CCDC141: variants seen among roughly 807,000 people sequenced by gnomAD.
CCDC141 encodes the protein coiled-coil domain-containing protein 141.
Under a neutral mutation model 181.0 loss-of-function variants are expected in CCDC141, and 168 were observed. The ratio of observed to expected loss-of-function variants is 0.93; its 90% confidence interval spans 0.82 to 1.05. CCDC141 has a LOEUF of 1.05. Ranked by LOEUF, CCDC141 falls within the 50% of genes least tolerant of loss-of-function variation. The probability of loss-of-function intolerance (pLI) is 0.00; values close to 1 mark genes in which losing one functional copy is unlikely to be tolerated. For missense variants in CCDC141, 1,902 were observed against 1,788.5 expected (o/e 1.06, Z -1.14); for synonymous variants, 666 against 642.3 (o/e 1.04, Z -0.56).
chr2:178,890,324 T>C (rs1423769115), intron 8 of CCDC141, among the ~76,000 whole-genome samples: 7 of 152,124 alleles, frequency 4.6e-5, no homozygotes, highest in Non-Finnish European at 2.9e-5. Flanking sequence ...ATGCCCTCAG[T>C]GTCTATTCCA....
intron 2 of CCDC141, among the ~76,000 whole-genome samples, chr2:178,989,078 C>T (rs1398091979): frequency 6.6e-6 from 1 of 152,138 alleles, no homozygotes; most frequent in Non-Finnish European, 1.5e-5. Flanking sequence ...AAATTTTCAT[C>T]ACCTTGAATT....
At chr2:179,015,580 T>TATATATGATATATATATATC (rs1559050160) in intron 2 of CCDC141, among the ~76,000 whole-genome samples, 1 of 82,424 alleles carries the variant, frequency 1.2e-5, no homozygotes, top group Non-Finnish European at 2.9e-5. Flanking sequence ...ATATATCTCA[T>TATATATGATATATATATATC]ATATATCTCA....
At chr2:178,911,013 G>A (rs1040992760) in intron 7 of CCDC141, among the ~76,000 whole-genome samples, 2 of 152,170 alleles carry the variant, frequency 1.3e-5, no homozygotes, top group African/African-American at 4.8e-5. Flanking sequence ...TAGCACTTTA[G>A]GCAGCTAGTC....
chr2:178,940,340 A>C (rs1461844457), intron 6 of CCDC141, among the ~76,000 whole-genome samples: 1 of 152,236 alleles, frequency 6.6e-6, no homozygotes, highest in Admixed American at 6.5e-5. Context: ...AAGAACACAA[A>C]GAACTGTATA....
rs35684887 is a variant in CCDC141, at chr2:178,916,939, C to CTTT, written c.1092+1771_1092+1773dup. 3.4e-3 allele frequency among the ~76,000 whole-genome samples: 488 copies of CTTT among 145,284 alleles called. 6 individuals carry two copies. The highest frequency in any genetic ancestry group is 0.012 in the African/African-American group (468 of 39,178). ...AAGTAACCACTCTCTTCTTCTTCTT[C>CTTT]TTTTTTTTTTTAAAAAAAAGGCTTT... On this transcript the variant is annotated intron_variant, in intron 7 of 23. Coordinates refer to ENST00000443758, the MANE Select transcript of CCDC141 (RefSeq NM_173648.4).
chr2:178,844,712 A>G (rs1684863556), intron 22 of CCDC141, among the ~76,000 whole-genome samples: 1 of 152,218 alleles, frequency 6.6e-6, no homozygotes, highest in African/African-American at 2.4e-5. Flanking sequence ...ACTTCAAGGA[A>G]AGATAAATCT....
Position 178,878,139 on chromosome 2 carries a change from T to G in CCDC141, c.1724A>C (p.Glu575Ala). ...VAFLKSSEEV[E>A]MQFQSLKEFY... ...TTCTTTTAAGCTCTGAAACTGCATC[T>G]CTACCTAAAAAAGAAAAAAGAGAGT... Residue 575 changes from glutamate to alanine, a missense_variant, in exon 12 of 24, where the codon GAG (glutamate) becomes GCG (alanine). Physicochemically the swap from Glu to Ala is moderately radical, Grantham distance 107 (BLOSUM62 -1). Transcript: ENST00000443758. The G allele has an allele frequency of 1.3e-6, 2 of 1,590,924 alleles. No homozygotes were observed. The highest frequency in any genetic ancestry group is 1.7e-6 in the Non-Finnish European group (2 of 1,174,320).
At chr2:178,875,563 T>TA (rs1023010702) in intron 12 of CCDC141, 66 of 145,028 alleles carry the variant, frequency 4.6e-4, no homozygotes, top group East Asian at 3.6e-3. Flanking sequence ...AGACTCCATC[T>TA]AAAAAAAAAA....
intron 23 of CCDC141, chr2:178,836,672 A>ATTATTAGTACTTTATATGGTTACCTT (rs1684487087): frequency 2.2e-6 from 1 of 452,744 alleles, no homozygotes; most frequent in Non-Finnish European, 3.8e-6. Flanking sequence ...AATTTGTTAA[A>ATTATTAGTACTTTATATGGTTACCTT]TTATTAGTAC....
intron 2 of CCDC141, among the ~76,000 whole-genome samples, chr2:179,044,880 C>G (rs1307775308): frequency 6.6e-6 from 1 of 152,110 alleles, no homozygotes; most frequent in Admixed American, 6.5e-5. Flanking sequence ...AGTTATTAGC[C>G]AAATCACACT....
chr2:178,855,989 G>C (rs147372091), intron 18 of CCDC141, among the ~76,000 whole-genome samples: 229 of 152,322 alleles, frequency 1.5e-3, no homozygotes, highest in African/African-American at 5.3e-3. Context: ...ATCCATGTGT[G>C]TGTGTATGTG....
At chr2:179,016,635 A>T (rs950295403) in intron 2 of CCDC141, among the ~76,000 whole-genome samples, 1 of 152,170 alleles carries the variant, frequency 6.6e-6, no homozygotes, top group Non-Finnish European at 1.5e-5. Context: ...CTATTGAGTG[A>T]ACTGATAAGT....
intron 5 of CCDC141, among the ~76,000 whole-genome samples, chr2:178,945,148 T>C (rs936880729): frequency 2.0e-5 from 3 of 152,164 alleles, no homozygotes; most frequent in African/African-American, 7.2e-5. Flanking sequence ...AGAGAGGTTA[T>C]TAACATTTAC....
intron 2 of CCDC141, among the ~76,000 whole-genome samples, chr2:179,015,085 T>TC (rs1326060744): frequency 2.4e-5 from 1 of 40,910 alleles, no homozygotes; most frequent in African/African-American, 6.9e-5. Context: ...TATATATATA[T>TC]ATATATATAT....
Position 178,924,371 on chromosome 2 carries a change from G to A in CCDC141, c.898-5464C>T, listed in dbSNP as rs1262574927. On this transcript the variant is annotated intron_variant, in intron 6 of 23. Coordinates refer to ENST00000443758, the MANE Select transcript of CCDC141 (RefSeq NM_173648.4). ...ACCCTCAAGTCTACAGTTCCATTCA[G>A]AACAACTAGAATTAACTCATTGACA... Among the ~76,000 whole-genome samples the A allele has an allele frequency of 3.3e-5, 5 of 152,066 alleles. No individual in the cohort carries two copies. In the South Asian group the frequency reaches 8.3e-4, roughly 25 times the overall value.
rs1687008691 is a variant in CCDC141, at chr2:178,888,762, G to A, written c.1266-94C>T. 2.2e-6 allele frequency: 3 copies of A among 1,350,642 alleles called. 1 individual carries two copies. The highest frequency in any genetic ancestry group is 3.0e-6 in the Non-Finnish European group (3 of 985,378). The allele number at this position is 1,350,642 out of a possible 1,614,324, so 83.7% of individuals were successfully genotyped here. A position where few individuals can be genotyped will look rare whatever the true frequency, so the allele number is the denominator to read the frequency against. ...TCTGCTCTCATGTTAGGTAGGCGTT[G>A]GTAAAAGGCATCAGCTTTAGGATAA... is the stretch of plus-strand genomic sequence containing the variant. On this transcript the variant is annotated intron_variant, in intron 8 of 23. Transcript: ENST00000443758.
chr2:178,853,223 T>A (rs547963988), intron 20 of CCDC141, among the ~76,000 whole-genome samples: 2 of 152,312 alleles, frequency 1.3e-5, no homozygotes, highest in East Asian at 3.9e-4. Flanking sequence ...TTACACAAAG[T>A]AGGTAAAAAT....
At chr2:179,032,179 C>T (rs757170561) in intron 2 of CCDC141, among the ~76,000 whole-genome samples, 12 of 152,076 alleles carry the variant, frequency 7.9e-5, no homozygotes, top group African/African-American at 1.4e-4. Context: ...CTCTGCTGTG[C>T]ACATCCTCTC....
At chr2:179,006,168 C>A (rs1199613251) in intron 2 of CCDC141, among the ~76,000 whole-genome samples, 2 of 152,202 alleles carry the variant, frequency 1.3e-5, no homozygotes, top group African/African-American at 2.4e-5. Context: ...CACTGGAGTT[C>A]TTCCCCTGAA....
Sources: allele counts gnomAD v4.1 joint callset (sites outside exome capture counted in the v4.1 genomes callset), GRCh38; gene constraint gnomAD v4.1.1; transcripts MANE v1.5; gene names NCBI Gene and HGNC (gene_info 2026-07-23, HGNC 2026-07-21).